NEXMIF: variants seen among roughly 807,000 people sequenced by gnomAD.
The protein encoded by NEXMIF is neurite extension and migration factor.
NEXMIF carries 8 observed loss-of-function variants against 62.1 expected under a neutral mutation model. The ratio of observed to expected loss-of-function variants is 0.13; its 90% CI spans 0.08 to 0.23. The LOEUF is 0.23. Ranked by LOEUF, NEXMIF falls within the 10% of genes least tolerant of loss-of-function variation. The pLI is 1.00. For missense variants in NEXMIF, 976 were observed against 1,113.3 expected, an observed-to-expected ratio of 0.88 and a Z score of 1.75; for synonymous variants, 404 against 416.6, an observed-to-expected ratio of 0.97 and a Z score of 0.37.
intron 1 of NEXMIF, among the ~76,000 whole-genome samples, chrX:74,811,141 C>T (rs1266172231): frequency 8.9e-6 from 1 of 111,871 alleles, no homozygotes; most frequent in Non-Finnish European, 1.9e-5. Context: ...GACTTCAAAG[C>T]CAGGCTTGTT....
intron 1 of NEXMIF, among the ~76,000 whole-genome samples, chrX:74,818,550 G>A (rs994531342): frequency 4.5e-5 from 5 of 111,683 alleles, no homozygotes; most frequent in African/African-American, 1.6e-4. Context: ...ACAGGTCCTG[G>A]CAAAGATTTC....
chrX:74,892,576 C>CA (rs1296293134), intron 1 of NEXMIF, among the ~76,000 whole-genome samples: 2 of 112,315 alleles, frequency 1.8e-5, no homozygotes, highest in Non-Finnish European at 3.8e-5. Context: ...ATTACTTAAA[C>CA]AGAGTTGAAA....
intron 1 of NEXMIF, among the ~76,000 whole-genome samples, chrX:74,824,959 G>A (rs191389347): frequency 9.0e-6 from 1 of 110,870 alleles, no homozygotes; most frequent in Non-Finnish European, 1.9e-5. Context: ...AGTTTTTTAA[G>A]GAATCCCTAT....
chrX:74,745,267 G>A (rs1353658433), intron 2 of NEXMIF, among the ~76,000 whole-genome samples: 2 of 111,151 alleles, frequency 1.8e-5, no homozygotes, highest in East Asian at 2.8e-4. Context: ...ACAGGCATGA[G>A]CCACTGCGCC....
At chrX:74,812,131 T>C (rs1476399903) in intron 1 of NEXMIF, among the ~76,000 whole-genome samples, 2 of 112,794 alleles carry the variant, frequency 1.8e-5, no homozygotes, top group Admixed American at 9.4e-5. Context: ...AATTAGGAAA[T>C]AGAGTTTCAT....
In NEXMIF at chrX:74,816,345, T is replaced by C. The variant is rs138492072; in HGVS notation, c.-47-70648A>G. ...GCTGTTTTTATTTAGAGCAAAATTATCTATGTGTTAGGTTAAATTAACACA... is the reference window on the plus strand; with the variant it reads ...GCTGTTTTTATTTAGAGCAAAATTACCTATGTGTTAGGTTAAATTAACACA... On this transcript the variant is annotated intron_variant, in intron 1 of 3. Coordinates refer to ENST00000055682, the MANE Select transcript of NEXMIF (RefSeq NM_001008537.3). 4.3e-3 allele frequency among the ~76,000 whole-genome samples: 480 copies of C among 112,269 alleles called. 1 individual carries two copies. The highest frequency in any genetic ancestry group is 0.015 in the African/African-American group (462 of 30,995).
chrX:74,895,803 G>A (rs1230109246), intron 1 of NEXMIF, among the ~76,000 whole-genome samples: 2 of 107,542 alleles, frequency 1.9e-5, no homozygotes, highest in Non-Finnish European at 3.8e-5. Context: ...GTAGGGGGTA[G>A]GGGTGTGAAG....
At chrX:74,912,649 C>G (rs1335622860) in intron 1 of NEXMIF, among the ~76,000 whole-genome samples, 1 of 111,600 alleles carries the variant, frequency 9.0e-6, no homozygotes, top group Non-Finnish European at 1.9e-5. Flanking sequence ...ATAACTAGAT[C>G]CTTGTCTTAT....
At chrX:74,875,411 G>A (rs1015093262) in intron 1 of NEXMIF, among the ~76,000 whole-genome samples, 33 of 112,095 alleles carry the variant, frequency 2.9e-4, no homozygotes, top group African/African-American at 1.1e-3. Context: ...TTTTATTGAG[G>A]ATTTTTGCAT....
At chrX:74,871,738 T>C (rs753167613) in intron 1 of NEXMIF, among the ~76,000 whole-genome samples, 15 of 111,717 alleles carry the variant, frequency 1.3e-4, no homozygotes, top group Non-Finnish European at 2.8e-4. Flanking sequence ...ATGTCTCTAT[T>C]CTGCTCGACC....
intron 1 of NEXMIF, among the ~76,000 whole-genome samples, chrX:74,810,452 CAGTTAAGAGTAAG>C (rs1034839710): frequency 3.6e-5 from 4 of 110,654 alleles, no homozygotes; most frequent in Admixed American, 1.9e-4. Context: ...ACCTAAACTC[CAGTTAAGAGTAAG>C]AGCACTGAAT....
chrX:74,742,456 T>C lies in NEXMIF; in HGVS notation c.2101A>G (p.Lys701Glu), dbSNP rs779126467. 1 of 1,208,477 alleles carries C rather than the reference T, an allele frequency of 8.3e-7. No homozygotes were observed. Among genetic ancestry groups the C allele is most frequent in the Non-Finnish European group, 1.1e-6 (1 of 894,360 alleles). ...AACTCTGTGTCTTGGGCTTTGACTT[T>C]CACTGAGTCAGGGCCTGTGATGTCA... ...LNDITGPDSV[K>E]VKAQDTEFKG... The change falls in exon 3 of 4, where the codon AAA becomes GAA. Residue 701 changes from lysine to glutamate, a missense_variant. Around this residue, in one of 5 missense-constraint regions of NEXMIF, gnomAD observed 639 missense variants for 694.5 expected, o/e 0.92. Coordinates refer to ENST00000055682, the MANE Select transcript of NEXMIF (RefSeq NM_001008537.3).
At position 74,736,766 on chromosome X, in the gene NEXMIF, G is replaced by A. The variant is rs1003274244; in HGVS notation, c.*2639C>T. On this transcript the variant is annotated 3_prime_UTR_variant, in exon 4 of 4. Coordinates refer to ENST00000055682, the MANE Select transcript of NEXMIF (RefSeq NM_001008537.3). ...TTTTATGTTTCAGTACAAAGTGACT[G>A]GTTATGCGTCACTAATTTATATATT... The A allele has an allele frequency of 2.7e-5, 3 of 112,043 alleles. No individual in the cohort carries two copies. The highest frequency in any genetic ancestry group is 5.6e-5 in the Non-Finnish European group (3 of 53,115). The allele number at this position is 112,043 out of a possible 1,213,427, so 9.2% of individuals were successfully genotyped here.
chrX:74,887,950 G>A (rs1380680866), intron 1 of NEXMIF, among the ~76,000 whole-genome samples: 1 of 112,041 alleles, frequency 8.9e-6, no homozygotes, highest in Non-Finnish European at 1.9e-5. Context: ...TATACACCAT[G>A]GAATACTATG....
At chrX:74,768,540 A>G (rs1226420914) in intron 1 of NEXMIF, among the ~76,000 whole-genome samples, 1 of 112,393 alleles carries the variant, frequency 8.9e-6, no homozygotes, top group African/African-American at 3.2e-5. Flanking sequence ...TTAGACCACA[A>G]TGGAAAGTAA....
rs181133816 is a variant in NEXMIF at position 74,865,541 on chromosome X, A to G, written c.-48+59342T>C. Among the ~76,000 whole-genome samples, 364 of 112,489 alleles carry G rather than the reference A, an allele frequency of 3.2e-3. 2 individuals carry two copies. The highest frequency in any genetic ancestry group is 0.011 in the African/African-American group (346 of 31,026). On this transcript the variant is annotated intron_variant, in intron 1 of 3. Coordinates refer to ENST00000055682, the MANE Select transcript of NEXMIF (RefSeq NM_001008537.3). ...AAGCCTCCTGCAGAAATTTGCATAA[A>G]TAACAAGGAGCTGAATGTTAATCAC...
At chrX:74,895,261 A>T (rs1164492792) in intron 1 of NEXMIF, among the ~76,000 whole-genome samples, 1 of 112,014 alleles carries the variant, frequency 8.9e-6, no homozygotes, top group Non-Finnish European at 1.9e-5. Context: ...CAAATAAGTG[A>T]AAGTTCTCTA....
At chrX:74,815,635 CTTTT>C (rs1216144220) in intron 1 of NEXMIF, among the ~76,000 whole-genome samples, 1 of 99,595 alleles carries the variant, frequency 1.0e-5, no homozygotes, top group Admixed American at 1.1e-4. Flanking sequence ...TCTACAACTA[CTTTT>C]TTTTTTTTTT....
chrX:74,874,431 C>T (rs2080619695), intron 1 of NEXMIF, among the ~76,000 whole-genome samples: 1 of 110,600 alleles, frequency 9.0e-6, no homozygotes, highest in East Asian at 2.9e-4. Context: ...TAGCGTGATG[C>T]CTCCAGCTTT....
Sources: allele counts gnomAD v4.1 joint callset (sites outside exome capture counted in the v4.1 genomes callset), GRCh38; gene constraint gnomAD v4.1.1; regional missense constraint gnomAD v4.1.1; transcripts MANE v1.5; gene names NCBI Gene and HGNC (gene_info 2026-07-23, HGNC 2026-07-21).